Variants in AKR1C4 observed in about 807,000 individuals in gnomAD.
AKR1C4 encodes aldo-keto reductase family 1 member C4, also known as 3-alpha-HSD1.
A neutral mutation model predicts 41.0 loss-of-function variants in AKR1C4; 44 were observed. The observed-to-expected ratio is 1.07, with a 90% confidence interval of 0.84 to 1.38. The LOEUF (loss-of-function observed/expected upper bound fraction) is 1.38. Among genes scored for constraint, AKR1C4 ranks in the 40% most tolerant of loss-of-function variants. The probability of loss-of-function intolerance (pLI) is 0.00; values close to 1 mark genes in which losing one functional copy is unlikely to be tolerated. For synonymous variants in AKR1C4, 165 were observed against 137.7 expected, an observed-to-expected ratio of 1.20 and a Z score of -1.39; for missense variants, 438 against 387.9, an observed-to-expected ratio of 1.13 and a Z score of -1.09.
chr10:5,202,936 CTT>C (rs1178835955), intron 2 of AKR1C4, among the ~76,000 whole-genome samples: 2 of 75,924 alleles, frequency 2.6e-5, no homozygotes, highest in African/African-American at 1.1e-4. Context: ...CTATAGTTTT[CTT>C]TTGTGTGTGT....
chr10:5,206,209 G>T (rs1165469049), intron 4 of AKR1C4, 66 bp from the exon 5 acceptor site: 2 of 1,609,468 alleles, frequency 1.2e-6, no homozygotes, highest in Non-Finnish European at 1.7e-6. Flanking sequence ...TAACAGTTCT[G>T]TCTTGCATTT....
chr10:5,202,317 T>C (rs1280464670), intron 2 of AKR1C4: 2 of 251,294 alleles, frequency 8.0e-6, no homozygotes, highest in Non-Finnish European at 1.6e-5. Flanking sequence ...ATGGTTGTTG[T>C]TGGTGAATAG....
intron 8 of AKR1C4, 56 bp downstream of exon 8, chr10:5,216,849 AT>A: frequency 7.6e-7 from 1 of 1,311,384 alleles, no homozygotes; most frequent in Non-Finnish European, 1.1e-6. Context: ...GGAATGTCAG[AT>A]GGGTGTTGAA....
rs80291659 is a variant in AKR1C4, at chr10:5,201,205, A to G, written c.252+857A>G. ...CCATACTGTTTTCCATAAAGATTAC[A>G]CTCATTTACATTCCTACCAGCCGTG... On this transcript the variant is annotated intron_variant, in intron 2 of 8. Transcript: ENST00000263126. Among the ~76,000 whole-genome samples, 430 of 152,214 alleles carry G rather than the reference A, an allele frequency of 2.8e-3. 5 individuals carry two copies. Among genetic ancestry groups the G allele is most frequent in the African/African-American group, 9.2e-3 (382 of 41,528 alleles).
intron 5 of AKR1C4, among the ~76,000 whole-genome samples, chr10:5,211,226 T>A (rs1172910555): frequency 6.6e-6 from 1 of 152,264 alleles, no homozygotes; most frequent in Non-Finnish European, 1.5e-5. Flanking sequence ...GATTAACATT[T>A]GGCTCCTTGT....
In AKR1C4 at chr10:5,212,602, T is replaced by C; in HGVS notation, c.571-14T>C. 1.3e-6 allele frequency: 2 copies of C among 1,599,698 alleles called. No individual in the cohort carries two copies. Among genetic ancestry groups the C allele is most frequent in the Non-Finnish European group, 1.7e-6 (2 of 1,172,744 alleles). On this transcript the variant is annotated splice_polypyrimidine_tract_variant and intron_variant, in intron 5 of 8. Coordinates refer to ENST00000263126, the MANE Select transcript of AKR1C4 (RefSeq NM_001818.5). The stretch of plus-strand genomic sequence containing the variant: ...TTGAATTATCTGATGCTTTTCTCTC[T>C]TGATCATCTAAAGGTAGAATGTCAT...
intron 3 of AKR1C4, 69 bp downstream of exon 3, chr10:5,204,562 A>C: frequency 8.4e-7 from 1 of 1,194,136 alleles, no homozygotes; most frequent in South Asian, 1.2e-5. Context: ...GGTTGAATTG[A>C]ACTTCTTCTA....
chr10:5,216,852 G>C (rs1340403562), intron 8 of AKR1C4, 59 bp downstream of exon 8: 3 of 1,253,246 alleles, frequency 2.4e-6, no homozygotes, highest in Non-Finnish European at 3.4e-6. Flanking sequence ...ATGTCAGATG[G>C]GTGTTGAAAG....
rs1832426129 is a variant in AKR1C4, at chr10:5,203,019, G to A, written c.253-1358G>A. Reference sequence around the variant, plus strand: ...CTGGTATTGGTATTTGGTGATACTGGCTTCATAGAATAATTTAGGCAGGAT... The same window carrying A: ...CTGGTATTGGTATTTGGTGATACTGACTTCATAGAATAATTTAGGCAGGAT... On this transcript the variant is annotated intron_variant, in intron 2 of 8. Coordinates refer to ENST00000263126, the MANE Select transcript of AKR1C4 (RefSeq NM_001818.5). Among the ~76,000 whole-genome samples the A allele has an allele frequency of 2.0e-5, 3 of 147,354 alleles. No individual in the cohort carries two copies. The South Asian group carries it at 6.7e-4, about 33-fold the overall frequency.
intron 4 of AKR1C4, 93 bp downstream of exon 4, chr10:5,205,927 T>C: frequency 1.6e-6 from 2 of 1,283,382 alleles, no homozygotes; most frequent in Non-Finnish European, 2.2e-6. Flanking sequence ...ATATGCACCA[T>C]TGGAACTAGA....
At chr10:5,199,330 T>TA (rs1387482971) in intron 1 of AKR1C4, among the ~76,000 whole-genome samples, 1 of 152,068 alleles carries the variant, frequency 6.6e-6, no homozygotes, top group Non-Finnish European at 1.5e-5. Context: ...CTTTAAATGA[T>TA]ACAGAAAGCG....
intron 7 of AKR1C4, among the ~76,000 whole-genome samples, chr10:5,215,147 C>T (rs1366680156): frequency 6.6e-6 from 1 of 152,050 alleles, no homozygotes; most frequent in Non-Finnish European, 1.5e-5. Context: ...GTGTACATGA[C>T]TGGTTCATGT....
chr10:5,203,218 C>CG lies in AKR1C4; in HGVS notation c.253-1155dup, dbSNP rs542827864. The stretch of plus-strand genomic sequence containing the variant: ...CTGCAGCACACTTCCTGCTTTCCCC[C>CG]GGGGTTCTGGCCAAGGGGGCTCATT... On this transcript the variant is annotated intron_variant, in intron 2 of 8. Transcript: ENST00000263126. Among the ~76,000 whole-genome samples, 232 of 152,098 alleles carry CG rather than the reference C, an allele frequency of 1.5e-3. 1 individual carries two copies. Among genetic ancestry groups the CG allele is most frequent in the African/African-American group, 5.3e-3 (219 of 41,486 alleles).
intron 5 of AKR1C4, chr10:5,207,595 G>A (rs1832509640): frequency 9.0e-7 from 1 of 1,117,210 alleles, no homozygotes; most frequent in African/African-American, 1.6e-5. Flanking sequence ...CTCAGAAATT[G>A]AGAAATTGTT....
chr10:5,213,994 AT>A (rs1267181976), intron 7 of AKR1C4, among the ~76,000 whole-genome samples: 1 of 151,548 alleles, frequency 6.6e-6, no homozygotes, highest in Non-Finnish European at 1.5e-5. Context: ...CTTTTTCTAT[AT>A]TGGAAACATG....
Position 5,206,333 on chromosome 10 carries a change from A to G in AKR1C4, c.506A>G (p.Asn169Ser). ...LAKSIGVSNFNCRQLEMILNK... is the reference protein window; with the variant it reads ...LAKSIGVSNFSCRQLEMILNK... ...AAGTCCATCGGGGTGTCAAACTTCAACTGCAGGCAGCTGGAGATGATCCTC... is the reference window on the plus strand; with the variant it reads ...AAGTCCATCGGGGTGTCAAACTTCAGCTGCAGGCAGCTGGAGATGATCCTC... Residue 169 changes from asparagine to serine, a missense_variant, in exon 5 of 9, where the codon AAC becomes AGC. Physicochemically the swap from Asn to Ser is conservative, Grantham distance 46. Transcript: ENST00000263126. 1 of 1,614,112 alleles carries G rather than the reference A, an allele frequency of 6.2e-7. No individual in the cohort carries two copies. Among genetic ancestry groups the G allele is most frequent in the South Asian group, 1.1e-5 (1 of 91,082 alleles).
intron 5 of AKR1C4, chr10:5,207,545 T>TTACA: frequency 1.6e-6 from 1 of 610,282 alleles, no homozygotes; most frequent in Non-Finnish European, 2.9e-6. Flanking sequence ...GTCCCTGTAC[T>TTACA]TACAGGTGCT....
At chr10:5,207,568 T>G (rs1313572399) in intron 5 of AKR1C4, 2 of 795,960 alleles carry the variant, frequency 2.5e-6, no homozygotes, top group African/African-American at 3.6e-5. Flanking sequence ...GAAACTAGAC[T>G]TGAAGAACTT....
chr10:5,211,678 A>G (rs1832577765), intron 5 of AKR1C4, among the ~76,000 whole-genome samples: 1 of 152,144 alleles, frequency 6.6e-6, no homozygotes, highest in Non-Finnish European at 1.5e-5. Context: ...TCTACATATT[A>G]CCTAGTTCCA....
Sources: gnomAD v4.1 joint callset for allele counts (sites outside exome capture counted in the v4.1 genomes callset) on GRCh38, gnomAD v4.1.1 for gene constraint, MANE v1.5 for transcripts, NCBI Gene and HGNC (gene_info 2026-07-23, HGNC 2026-07-21) for gene names.